The following MYLK4 variants were observed in gnomAD, a reference collection of about 807,000 sequenced individuals.
MYLK4 encodes the protein caMLCK like.
In MYLK4, 46 loss-of-function variants were observed where a neutral mutation model predicts 48.1. The ratio of observed to expected loss-of-function variants is 0.96; its 90% CI spans 0.75 to 1.22. The LOEUF is 1.22. MYLK4 is among the 50% of genes most tolerant of loss of function. The probability of loss-of-function intolerance (pLI) is 0.00; values close to 1 mark genes in which losing one functional copy is unlikely to be tolerated. For missense variants in MYLK4, 451 were observed against 486.1 expected, an observed-to-expected ratio of 0.93 and a Z score of 0.68; for synonymous variants, 170 against 180.8, an observed-to-expected ratio of 0.94 and a Z score of 0.48.
At chr6:2,737,777 G>A (rs971176691) in intron 2 of MYLK4, among the ~76,000 whole-genome samples, 4 of 152,126 alleles carry the variant, frequency 2.6e-5, no homozygotes, top group African/African-American at 4.8e-5. Context: ...AACTAGATCT[G>A]TAGGACTCTG....
At chr6:2,683,207 C>T (rs370757779) in intron 6 of MYLK4, 45 bp from the exon 7 acceptor site, 2 of 1,607,890 alleles carry the variant, frequency 1.2e-6, no homozygotes, top group Non-Finnish European at 8.5e-7. Context: ...GATTTCCTTA[C>T]CACCATGTGC....
At chr6:2,759,882 T>C in the MYLK4 span, among the ~76,000 whole-genome samples, 3 of 152,214 alleles carry the variant, frequency 2.0e-5, no homozygotes, top group South Asian at 2.1e-4. Flanking sequence ...TTCCACTTTA[T>C]AAGATACAGA....
intron 2 of MYLK4, among the ~76,000 whole-genome samples, chr6:2,698,722 T>C (rs977319271): frequency 1.3e-5 from 2 of 152,222 alleles, no homozygotes; most frequent in Non-Finnish European, 2.9e-5. Context: ...TATGAAAACA[T>C]TTTCTTGCCT....
At chr6:2,688,704 G>A (rs753011395) in intron 4 of MYLK4, 147 bp downstream of exon 4, 111 of 679,566 alleles carry the variant, frequency 1.6e-4, no homozygotes, top group Non-Finnish European at 2.6e-4. Context: ...TCTGGCATCA[G>A]TGACAATTTT....
intron 10 of MYLK4, among the ~76,000 whole-genome samples, chr6:2,676,219 C>A (rs535291599): frequency 6.6e-6 from 1 of 152,282 alleles, no homozygotes; most frequent in East Asian, 1.9e-4. Context: ...TGCTTCAATG[C>A]AATCGCTTCA....
At chr6:2,750,216 T>C (rs1246452663) in intron 1 of MYLK4, among the ~76,000 whole-genome samples, 1 of 152,200 alleles carries the variant, frequency 6.6e-6, no homozygotes, top group African/African-American at 2.4e-5. Context: ...TCGAGCATTT[T>C]CTCCGCTTAA....
intron 4 of MYLK4, among the ~76,000 whole-genome samples, chr6:2,688,085 A>G (rs1761627557): frequency 6.7e-6 from 1 of 149,674 alleles, no homozygotes; most frequent in African/African-American, 2.5e-5. Flanking sequence ...TTTGAGACAG[A>G]GTCTTACTCT....
At chr6:2,680,061 A>T (rs988932257) in intron 8 of MYLK4, among the ~76,000 whole-genome samples, 160 bp downstream of exon 8, 3 of 152,200 alleles carry the variant, frequency 2.0e-5, no homozygotes, top group East Asian at 3.8e-4. Context: ...TAAACACTCA[A>T]GTCTCAAATT....
chr6:2,679,070 G>A (rs1243136886), intron 9 of MYLK4, among the ~76,000 whole-genome samples: 2 of 152,130 alleles, frequency 1.3e-5, no homozygotes, highest in African/African-American at 4.8e-5. Flanking sequence ...TTAATGAAGA[G>A]GACACACATT....
chr6:2,697,013 T>G (rs1353039724), intron 2 of MYLK4, among the ~76,000 whole-genome samples: 2 of 152,100 alleles, frequency 1.3e-5, no homozygotes, highest in African/African-American at 4.8e-5. Context: ...GAGTCAAGAT[T>G]ACGCCACTGC....
chr6:2,707,570 A>C (rs1417570103), intron 2 of MYLK4, among the ~76,000 whole-genome samples: 1 of 152,212 alleles, frequency 6.6e-6, no homozygotes, highest in Non-Finnish European at 1.5e-5. Flanking sequence ...CTAATAGAGA[A>C]GTAGTGTTAT....
intron 7 of MYLK4, among the ~76,000 whole-genome samples, chr6:2,681,478 C>T (rs933533803): frequency 6.6e-5 from 10 of 152,020 alleles, no homozygotes; most frequent in African/African-American, 2.4e-4. Context: ...ATAAAGCTGT[C>T]CAATTGTGAA....
In MYLK4 at chr6:2,672,287, C is replaced by G. The variant is rs1760927914; in HGVS notation, c.1120-939G>C. The stretch of plus-strand genomic sequence containing the variant: ...CTAATTTGGGAGTGCTTTGCCCCAC[C>G]CCAGCTGAGAGCTGCTTCTGATGGA... On this transcript the variant is annotated intron_variant, in intron 11 of 12. Coordinates refer to ENST00000274643, the MANE Select transcript of MYLK4 (RefSeq NM_001012418.5). This position sits in a 1 kb window ranked among gnomAD's most constrained non-coding sequence, Gnocchi z 4.3. Among the ~76,000 whole-genome samples, 1 of 152,108 alleles carries G rather than the reference C, an allele frequency of 6.6e-6. No homozygotes were observed. Among genetic ancestry groups the G allele is most frequent in the South Asian group, 2.1e-4 (1 of 4,818 alleles).
chr6:2,767,400 A>G, the MYLK4 span, among the ~76,000 whole-genome samples: 1 of 152,248 alleles, frequency 6.6e-6, no homozygotes, highest in Non-Finnish European at 1.5e-5. Context: ...GTTTGCACAC[A>G]AGGCTTTTAT....
At chr6:2,755,847 T>C (rs982165468), upstream of MYLK4, among the ~76,000 whole-genome samples, 1 of 152,262 alleles carries the variant, frequency 6.6e-6, no homozygotes, top group Non-Finnish European at 1.5e-5. Context: ...TGTGTCTTCA[T>C]GCTTGGAACC....
At chr6:2,703,665 C>CTCTT (rs1762382209) in intron 2 of MYLK4, among the ~76,000 whole-genome samples, 2 of 95,152 alleles carry the variant, frequency 2.1e-5, no homozygotes, top group African/African-American at 4.1e-5. Context: ...TTTGTGAATT[C>CTCTT]TTTTTTTTTT....
At chr6:2,717,971 G>C (rs968671407) in intron 2 of MYLK4, among the ~76,000 whole-genome samples, 1 of 151,982 alleles carries the variant, frequency 6.6e-6, no homozygotes, top group Non-Finnish European at 1.5e-5. Flanking sequence ...ACCTGAGGTT[G>C]GGAGTTCGAG....
chr6:2,680,138 C>A, intron 8 of MYLK4, 83 bp downstream of exon 8: 2 of 1,428,254 alleles, frequency 1.4e-6, no homozygotes, highest in South Asian at 1.3e-5. Flanking sequence ...AACCAAAGAG[C>A]AGATCAGATA....
chr6:2,678,396 G>T, intron 9 of MYLK4, 24 bp from the exon 10 acceptor site: 1 of 1,610,850 alleles, frequency 6.2e-7, no homozygotes, highest in South Asian at 1.1e-5. Context: ...GGTCCAGAGT[G>T]AGTATTTTTT....
Sources: allele counts gnomAD v4.1 joint callset (sites outside exome capture counted in the v4.1 genomes callset), GRCh38; gene constraint gnomAD v4.1.1; non-coding constraint Gnocchi (gnomAD v3.1); transcripts MANE v1.5; gene names NCBI Gene and HGNC (gene_info 2026-07-23, HGNC 2026-07-21).